MAN1A1: variants seen among roughly 807,000 people sequenced by gnomAD.
MAN1A1 encodes the protein mannosyl-oligosaccharide 1,2-alpha-mannosidase IA.
In MAN1A1, 29 loss-of-function variants were observed where a neutral mutation model predicts 70.8. That is an observed-to-expected ratio of 0.41 (90% CI 0.31 to 0.56). MAN1A1 has a LOEUF of 0.56. MAN1A1 is among the 20% of genes least tolerant of loss of function. The probability of loss-of-function intolerance (pLI) is 0.29; values close to 1 mark genes in which losing one functional copy is unlikely to be tolerated. For synonymous variants in MAN1A1, 349 were observed against 330.1 expected, an observed-to-expected ratio of 1.06 and a Z score of -0.62; for missense variants, 747 against 841.3, an observed-to-expected ratio of 0.89 and a Z score of 1.39.
At chr6:119,313,947 A>AAT (rs1054553088) in intron 2 of MAN1A1, among the ~76,000 whole-genome samples, 2 of 152,168 alleles carry the variant, frequency 1.3e-5, no homozygotes, top group Non-Finnish European at 2.9e-5. Flanking sequence ...AAAAAAAAAA[A>AAT]AAAATCAAAA....
intron 6 of MAN1A1, among the ~76,000 whole-genome samples, chr6:119,228,553 A>C (rs918033268): frequency 2.5e-4 from 38 of 152,174 alleles, no homozygotes; most frequent in Admixed American, 2.0e-4. Flanking sequence ...TTCTATGACT[A>C]TACATCCTAA....
At chr6:119,186,563 C>T (rs552952790) in intron 11 of MAN1A1, among the ~76,000 whole-genome samples, 73 of 152,314 alleles carry the variant, frequency 4.8e-4, no homozygotes, top group Non-Finnish European at 7.8e-4. Context: ...GGACAGTTAT[C>T]CACCAACTCC....
upstream of MAN1A1, among the ~76,000 whole-genome samples, chr6:119,350,350 C>T (rs1773877971): frequency 6.6e-6 from 1 of 152,190 alleles, no homozygotes; most frequent in Non-Finnish European, 1.5e-5. Context: ...GTTAGGGGAG[C>T]CGTGACCCTG....
At position 119,193,757 on chromosome 6, in the gene MAN1A1, T is replaced by C; in HGVS notation, c.1326+20A>G. ...ATAAGTTAGGGCTGAGTGGCAAAGATGATTTAAATATTGGGTTACCTGAAC... is the reference window on the plus strand; with the variant it reads ...ATAAGTTAGGGCTGAGTGGCAAAGACGATTTAAATATTGGGTTACCTGAAC... On this transcript the variant is annotated intron_variant, in intron 9 of 12. Coordinates refer to ENST00000368468, the MANE Select transcript of MAN1A1 (RefSeq NM_005907.4). 3 of 1,547,798 alleles carry C rather than the reference T, an allele frequency of 1.9e-6. No homozygotes were observed. The highest frequency in any genetic ancestry group is 2.7e-6 in the Non-Finnish European group (3 of 1,122,584).
At chr6:119,266,704 C>G (rs1775763948) in intron 5 of MAN1A1, among the ~76,000 whole-genome samples, 1 of 152,036 alleles carries the variant, frequency 6.6e-6, no homozygotes, top group Admixed American at 6.6e-5. Context: ...AGGTATGACA[C>G]TAAAAGCATG....
At chr6:119,248,215 G>A in intron 6 of MAN1A1, 45 bp downstream of exon 6, 1 of 1,295,876 alleles carries the variant, frequency 7.7e-7, no homozygotes, top group Non-Finnish European at 1.1e-6. Flanking sequence ...CAACAATCTG[G>A]AATATTTCAC....
At chr6:119,225,062 G>A (rs1774468933) in intron 6 of MAN1A1, among the ~76,000 whole-genome samples, 1 of 151,972 alleles carries the variant, frequency 6.6e-6, no homozygotes. Context: ...GGGAGGCAGA[G>A]GTTGCAGGGA....
chr6:119,192,285 T>C (rs1315477345), intron 9 of MAN1A1, among the ~76,000 whole-genome samples: 1 of 152,146 alleles, frequency 6.6e-6, no homozygotes, highest in Non-Finnish European at 1.5e-5. Flanking sequence ...CAGGTTAAAA[T>C]CTGAAACCTC....
chr6:119,348,335 T>C, intron 2 of MAN1A1, 128 bp downstream of exon 2: 2 of 903,022 alleles, frequency 2.2e-6, no homozygotes, highest in Non-Finnish European at 3.3e-6. Context: ...ACACAGCACC[T>C]GGTGGAAGGG....
intron 6 of MAN1A1, among the ~76,000 whole-genome samples, chr6:119,239,806 T>C (rs1357067047): frequency 6.6e-6 from 1 of 152,192 alleles, no homozygotes; most frequent in Non-Finnish European, 1.5e-5. Context: ...ATTATTCCAT[T>C]GTTAGCTTGT....
intron 3 of MAN1A1, among the ~76,000 whole-genome samples, chr6:119,303,707 T>TA (rs1172399581): frequency 6.6e-6 from 1 of 152,140 alleles, no homozygotes; most frequent in Non-Finnish European, 1.5e-5. Context: ...TCAAGGCAGT[T>TA]AGTCAGCAAC....
chr6:119,337,677 C>G (rs975347521), intron 2 of MAN1A1, among the ~76,000 whole-genome samples: 1 of 152,200 alleles, frequency 6.6e-6, no homozygotes, highest in African/African-American at 2.4e-5. Context: ...AATAAATCAT[C>G]ATTTTTATTC....
chr6:119,232,671 A>G (rs973158321), intron 6 of MAN1A1, among the ~76,000 whole-genome samples: 1 of 134,734 alleles, frequency 7.4e-6, no homozygotes, highest in Admixed American at 7.4e-5. Flanking sequence ...TCATATATAC[A>G]CATATATATG....
In MAN1A1 at chr6:119,348,618, T is replaced by A; in HGVS notation, c.448A>T (p.Ile150Phe). 6.2e-7 allele frequency: 1 copy of A among 1,613,968 alleles called. No individual in the cohort carries two copies. Among genetic ancestry groups the A allele is most frequent in the Non-Finnish European group, 8.5e-7 (1 of 1,179,922 alleles). ...GCCACCTTCTTCTTCTCCAGTAGGA[T>A]GTCTCTTTGGATCTCCTCGGGCAGC... Reference protein sequence around the residue: ...QKLPEEIQRDILLEKKKVAQD... With the variant: ...QKLPEEIQRDFLLEKKKVAQD... Residue 150 changes from isoleucine to phenylalanine, a missense_variant, in exon 2 of 13, where the codon ATC becomes TTC. By Grantham distance (21) the Ile-to-Phe change is conservative. Coordinates refer to ENST00000368468, the MANE Select transcript of MAN1A1 (RefSeq NM_005907.4).
chr6:119,275,907 C>A (rs1776051047), intron 5 of MAN1A1, among the ~76,000 whole-genome samples: 1 of 152,236 alleles, frequency 6.6e-6, no homozygotes, highest in Non-Finnish European at 1.5e-5. Context: ...CCATTTCTGT[C>A]ATGTCCTATA....
At chr6:119,237,649 G>A (rs781642456) in intron 6 of MAN1A1, among the ~76,000 whole-genome samples, 25 of 152,138 alleles carry the variant, frequency 1.6e-4, no homozygotes, top group Non-Finnish European at 3.2e-4. Flanking sequence ...TATGCTGGCA[G>A]CAACCTGTAT....
intron 4 of MAN1A1, among the ~76,000 whole-genome samples, chr6:119,300,506 G>A (rs1034040905): frequency 6.6e-6 from 1 of 151,870 alleles, no homozygotes; most frequent in Non-Finnish European, 1.5e-5. Context: ...CAACTGCCTC[G>A]ACCTCCCAAA....
intron 4 of MAN1A1, among the ~76,000 whole-genome samples, chr6:119,299,755 C>T (rs879724720): frequency 1.3e-5 from 2 of 152,146 alleles, no homozygotes; most frequent in African/African-American, 2.4e-5. Context: ...CCCAAGTCTC[C>T]AGGACCCATG....
intron 6 of MAN1A1, among the ~76,000 whole-genome samples, chr6:119,218,023 A>G (rs1470659535): frequency 6.6e-6 from 1 of 152,206 alleles, no homozygotes; most frequent in Non-Finnish European, 1.5e-5. Context: ...CTCTATTGAC[A>G]AACAGGTAGA....
Sources: allele counts gnomAD v4.1 joint callset (sites outside exome capture counted in the v4.1 genomes callset), GRCh38; gene constraint gnomAD v4.1.1; transcripts MANE v1.5; gene names NCBI Gene and HGNC (gene_info 2026-07-23, HGNC 2026-07-21).